Variants in DSCAM observed in about 807,000 individuals in gnomAD.
DSCAM encodes cell adhesion molecule DSCAM.
In DSCAM, 47 loss-of-function variants were observed where a neutral mutation model predicts 217.7. The ratio of observed to expected loss-of-function variants is 0.22; its 90% confidence interval spans 0.17 to 0.28. DSCAM has a LOEUF of 0.28. DSCAM is among the 10% of genes least tolerant of loss of function. The probability of loss-of-function intolerance (pLI) is 1.00; values close to 1 mark genes in which losing one functional copy is unlikely to be tolerated. For missense variants in DSCAM, 2,080 were observed against 2,618.3 expected (o/e 0.79, Z 4.49); for synonymous variants, 1,056 against 1,015.3 (o/e 1.04, Z -0.76).
chr21:40,090,345 C>G (rs537136514), intron 21 of DSCAM, among the ~76,000 whole-genome samples: 4 of 152,256 alleles, frequency 2.6e-5, no homozygotes, highest in African/African-American at 7.2e-5. Context: ...GTCACTTCTT[C>G]CAGGTGATGT....
intron 3 of DSCAM, among the ~76,000 whole-genome samples, chr21:40,403,534 T>C (rs949287133): frequency 1.3e-5 from 2 of 152,146 alleles, no homozygotes; most frequent in Non-Finnish European, 2.9e-5. Flanking sequence ...TAACAAACTA[T>C]GCCTTATACA....
chr21:40,289,991 T>C (rs2073871115), intron 10 of DSCAM, among the ~76,000 whole-genome samples: 1 of 152,034 alleles, frequency 6.6e-6, no homozygotes, highest in Admixed American at 6.6e-5. Flanking sequence ...CTCACAGCAG[T>C]GAAGGCAGAA....
At chr21:40,422,505 G>A (rs2075434623) in intron 3 of DSCAM, among the ~76,000 whole-genome samples, 2 of 152,068 alleles carry the variant, frequency 1.3e-5, no homozygotes, top group Admixed American at 1.3e-4. Flanking sequence ...AGCCGGTCAT[G>A]GTGGTGCATG....
chr21:40,403,628 T>TGC (rs5844014), intron 3 of DSCAM, among the ~76,000 whole-genome samples: 26 of 86,938 alleles, frequency 3.0e-4, no homozygotes, highest in South Asian at 2.2e-3. Context: ...AGCATGCATG[T>TGC]GCACACACAC....
intron 2 of DSCAM, among the ~76,000 whole-genome samples, chr21:40,695,994 G>A (rs1049958535): frequency 2.0e-5 from 3 of 152,078 alleles, no homozygotes; most frequent in Non-Finnish European, 2.9e-5. Context: ...CCCGAAGACA[G>A]GGGTGCAGCC....
intron 3 of DSCAM, among the ~76,000 whole-genome samples, chr21:40,385,509 A>T (rs2075075019): frequency 6.6e-6 from 1 of 152,232 alleles, no homozygotes; most frequent in Non-Finnish European, 1.5e-5. Flanking sequence ...ACAAACTTTT[A>T]CAAGATTCCT....
At chr21:40,287,222 C>T (rs2073839848) in intron 10 of DSCAM, among the ~76,000 whole-genome samples, 1 of 147,852 alleles carries the variant, frequency 6.8e-6, no homozygotes, top group Non-Finnish European at 1.5e-5. Flanking sequence ...AGTGTGATCA[C>T]AGTGTGATTA....
intron 3 of DSCAM, among the ~76,000 whole-genome samples, chr21:40,481,046 G>A (rs2075977895): frequency 6.6e-6 from 1 of 152,144 alleles, no homozygotes; most frequent in Non-Finnish European, 1.5e-5. Context: ...CACCAGATGC[G>A]GCCCTTTGAC....
At chr21:40,818,265 G>C (rs918512745) in intron 1 of DSCAM, among the ~76,000 whole-genome samples, 1 of 151,338 alleles carries the variant, frequency 6.6e-6, no homozygotes, top group South Asian at 2.1e-4. Context: ...AGACAAAGTC[G>C]GCCGGGTGCA....
chr21:40,507,048 G>A (rs1174882704), intron 3 of DSCAM, among the ~76,000 whole-genome samples: 1 of 152,182 alleles, frequency 6.6e-6, no homozygotes, highest in Non-Finnish European at 1.5e-5. Context: ...GGAGGCCGAG[G>A]CAGGCAGATC....
chr21:40,128,242 T>C (rs2090117110), intron 19 of DSCAM, among the ~76,000 whole-genome samples: 1 of 148,994 alleles, frequency 6.7e-6, no homozygotes, highest in Non-Finnish European at 1.5e-5. Flanking sequence ...AGATCCTCAA[T>C]ACAGATTTTC....
intron 10 of DSCAM, among the ~76,000 whole-genome samples, chr21:40,292,185 CTTTTTTTTTT>C (rs11431306): frequency 1.8e-5 from 2 of 110,250 alleles, no homozygotes; most frequent in East Asian, 2.7e-4. Context: ...AATGTAATGA[CTTTTTTTTTT>C]TTTTTTTTTT....
At chr21:40,067,742 T>TCCC (rs2089231450) in intron 27 of DSCAM, among the ~76,000 whole-genome samples, 1 of 39,854 alleles carries the variant, frequency 2.5e-5, no homozygotes, top group Non-Finnish European at 4.5e-5. Flanking sequence ...CCTCCCCTCA[T>TCCC]TCCCTCCCTC....
intron 3 of DSCAM, among the ~76,000 whole-genome samples, chr21:40,652,677 A>G (rs1394993343): frequency 1.3e-5 from 2 of 152,188 alleles, no homozygotes; most frequent in Non-Finnish European, 1.5e-5. Flanking sequence ...GGGGGTCCAA[A>G]TCCCACACAT....
In DSCAM at chr21:40,771,556, G is replaced by A. The variant is rs893038594; in HGVS notation, c.44-62785C>T. On this transcript the variant is annotated intron_variant, in intron 1 of 32. Coordinates refer to ENST00000400454, the MANE Select transcript of DSCAM (RefSeq NM_001389.5). Reference sequence around the variant, plus strand: ...CCAGGTTTCTGCAAAGAGCACTTGCGTGGTTCATAAAAGCAACACCGGAAC... The same window carrying A: ...CCAGGTTTCTGCAAAGAGCACTTGCATGGTTCATAAAAGCAACACCGGAAC... Among the ~76,000 whole-genome samples, 10 of 152,298 alleles carry A rather than the reference G, an allele frequency of 6.6e-5. No homozygotes were observed. The South Asian group carries it at 1.7e-3, about 25-fold the overall frequency.
chr21:40,518,090 C>G (rs968194233), intron 3 of DSCAM, among the ~76,000 whole-genome samples: 3 of 151,504 alleles, frequency 2.0e-5, no homozygotes, highest in Non-Finnish European at 4.4e-5. Context: ...AAGGAGGGCA[C>G]ATAGAACCTC....
At chr21:40,389,183 CTCA>C (rs974121489) in intron 3 of DSCAM, among the ~76,000 whole-genome samples, 2 of 152,132 alleles carry the variant, frequency 1.3e-5, no homozygotes, top group Non-Finnish European at 1.5e-5. Context: ...ATAAATTATT[CTCA>C]TGTCATGCTG....
At chr21:40,204,080 T>C (rs1347153740) in intron 11 of DSCAM, among the ~76,000 whole-genome samples, 1 of 152,208 alleles carries the variant, frequency 6.6e-6, no homozygotes, top group Non-Finnish European at 1.5e-5. Flanking sequence ...CTAACTTTTG[T>C]TAACTTGTTT....
intron 11 of DSCAM, among the ~76,000 whole-genome samples, chr21:40,197,247 T>C (rs1024966329): frequency 1.3e-5 from 2 of 152,044 alleles, no homozygotes; most frequent in South Asian, 4.2e-4. Context: ...GCCTCCCGAG[T>C]AGCTGGGACT....
Sources: gnomAD v4.1 joint callset for allele counts (sites outside exome capture counted in the v4.1 genomes callset) on GRCh38, gnomAD v4.1.1 for gene constraint, MANE v1.5 for transcripts, NCBI Gene and HGNC (gene_info 2026-07-23, HGNC 2026-07-21) for gene names.